GMDS: variants seen among roughly 807,000 people sequenced by gnomAD.
GMDS encodes the protein GDP-mannose 4,6-dehydratase, also known as GDP-mannose 4,6 dehydratase.
In GMDS, 20 loss-of-function variants were observed where a neutral mutation model predicts 49.9. The observed-to-expected ratio is 0.40, with a 90% CI of 0.28 to 0.58. The LOEUF (loss-of-function observed/expected upper bound fraction) is 0.58. Ranked by LOEUF, GMDS falls within the 20% of genes least tolerant of loss-of-function variation. The probability of loss-of-function intolerance (pLI) is 0.42; values close to 1 mark genes in which losing one functional copy is unlikely to be tolerated. For synonymous variants in GMDS, 177 were observed against 178.6 expected (o/e 0.99, Z 0.07); for missense variants, 362 against 481.4 (o/e 0.75, Z 2.32).
intron 9 of GMDS, among the ~76,000 whole-genome samples, chr6:1,725,910 G>C (rs996273243): frequency 6.6e-6 from 1 of 152,190 alleles, no homozygotes; most frequent in Non-Finnish European, 1.5e-5. Context: ...CTGATGTATC[G>C]GCCAGAAAAG....
At chr6:2,131,076 T>C (rs1480696082) in intron 1 of GMDS, among the ~76,000 whole-genome samples, 1 of 152,190 alleles carries the variant, frequency 6.6e-6, no homozygotes, top group Non-Finnish European at 1.5e-5. Flanking sequence ...AAAACTGATA[T>C]TTTGAAGCAG....
intron 4 of GMDS, among the ~76,000 whole-genome samples, chr6:2,076,762 A>G (rs1016714092): frequency 1.3e-5 from 2 of 152,230 alleles, no homozygotes; most frequent in African/African-American, 4.8e-5. Context: ...AAATTAATTC[A>G]AGATGGATTA....
At chr6:2,109,530 C>A (rs966199491) in intron 4 of GMDS, among the ~76,000 whole-genome samples, 2 of 152,200 alleles carry the variant, frequency 1.3e-5, no homozygotes, top group African/African-American at 4.8e-5. Context: ...GCTAAGTGCC[C>A]TCTTAGGGTC....
At chr6:2,104,425 C>T (rs776524695) in intron 4 of GMDS, among the ~76,000 whole-genome samples, 7 of 152,202 alleles carry the variant, frequency 4.6e-5, no homozygotes, top group Non-Finnish European at 7.4e-5. Context: ...TACTGTCACT[C>T]ATCTTTCACT....
intron 7 of GMDS, among the ~76,000 whole-genome samples, chr6:1,855,231 T>C (rs1011735752): frequency 1.3e-5 from 2 of 152,240 alleles, no homozygotes; most frequent in South Asian, 2.1e-4. Context: ...TGGGGATCCA[T>C]AGACCTAAGA....
intron 4 of GMDS, among the ~76,000 whole-genome samples, chr6:2,094,423 C>T (rs1773480799): frequency 6.6e-6 from 1 of 152,180 alleles, no homozygotes; most frequent in Non-Finnish European, 1.5e-5. Context: ...CTGAGGAAAA[C>T]ACAGGCATTT....
intron 8 of GMDS, among the ~76,000 whole-genome samples, chr6:1,737,446 A>G (rs2113471905): frequency 6.6e-6 from 1 of 152,252 alleles, no homozygotes; most frequent in Middle Eastern, 3.4e-3. Flanking sequence ...AAGGAAAAAC[A>G]AAACACAGCA....
chr6:1,668,659 ACCGCACTACTGC>A (rs1382888045), intron 9 of GMDS, among the ~76,000 whole-genome samples: 3 of 152,138 alleles, frequency 2.0e-5, no homozygotes, highest in Non-Finnish European at 4.4e-5. Context: ...GTAAGCTGAG[ACCGCACTACTGC>A]ACTCCAGACT....
chr6:1,955,763 T>G (rs1763602379), intron 6 of GMDS, among the ~76,000 whole-genome samples: 1 of 147,840 alleles, frequency 6.8e-6, no homozygotes, highest in Non-Finnish European at 1.5e-5. Context: ...ATAAATGAAG[T>G]CTTCAAAAAA....
intron 4 of GMDS, among the ~76,000 whole-genome samples, chr6:1,997,918 T>C (rs1244632260): frequency 6.6e-6 from 1 of 152,130 alleles, no homozygotes; most frequent in Non-Finnish European, 1.5e-5. Context: ...GGAAACGGCC[T>C]TTCCTCTGTA....
intron 7 of GMDS, among the ~76,000 whole-genome samples, chr6:1,760,105 G>T (rs1281735937): frequency 5.9e-5 from 9 of 152,160 alleles, no homozygotes; most frequent in African/African-American, 1.9e-4. Flanking sequence ...CAGCAGAGTG[G>T]GAAAGGGAGC....
intron 9 of GMDS, among the ~76,000 whole-genome samples, chr6:1,654,962 G>A (rs1208583327): frequency 6.6e-6 from 1 of 151,282 alleles, no homozygotes; most frequent in Non-Finnish European, 1.5e-5. Flanking sequence ...TCGGGAGACT[G>A]AGGCAGGAGA....
At chr6:2,087,452 T>C (rs1476085709) in intron 4 of GMDS, among the ~76,000 whole-genome samples, 1 of 152,214 alleles carries the variant, frequency 6.6e-6, no homozygotes, top group African/African-American at 2.4e-5. Flanking sequence ...GTAACATCAA[T>C]AATCTTTGAG....
At chr6:2,242,666 T>C (rs2127603208) in intron 1 of GMDS, among the ~76,000 whole-genome samples, 1 of 152,320 alleles carries the variant, frequency 6.6e-6, no homozygotes, top group Non-Finnish European at 1.5e-5. Flanking sequence ...ACAGTCTGTA[T>C]AACAAAATGA....
intron 7 of GMDS, among the ~76,000 whole-genome samples, chr6:1,853,239 C>A (rs1004839493): frequency 8.6e-5 from 13 of 151,914 alleles, no homozygotes; most frequent in African/African-American, 3.1e-4. Flanking sequence ...ATAAGGAGGG[C>A]CGGGCGCGGT....
chr6:1,672,642 C>T (rs943175542), intron 9 of GMDS, among the ~76,000 whole-genome samples: 14 of 152,312 alleles, frequency 9.2e-5, no homozygotes, highest in Admixed American at 2.6e-4. Context: ...AGGGTTCACC[C>T]GGGAGTACAG....
intron 7 of GMDS, among the ~76,000 whole-genome samples, chr6:1,874,582 G>T (rs1477281786): frequency 1.3e-5 from 2 of 152,148 alleles, no homozygotes; most frequent in Non-Finnish European, 2.9e-5. Flanking sequence ...TCGTTATCCT[G>T]AGTATGCTCT....
At chr6:1,954,277 A>T (rs1001433894) in intron 6 of GMDS, among the ~76,000 whole-genome samples, 2 of 152,248 alleles carry the variant, frequency 1.3e-5, no homozygotes, top group Non-Finnish European at 2.9e-5. Context: ...GAAAACCGTT[A>T]ATGACCATCT....
chr6:2,052,363 A>T (rs1770469926), intron 4 of GMDS, among the ~76,000 whole-genome samples: 1 of 152,096 alleles, frequency 6.6e-6, no homozygotes, highest in Non-Finnish European at 1.5e-5. Context: ...ATTTTCTGAT[A>T]TTTAAGACTT....
Sources: gnomAD v4.1 joint callset for allele counts (sites outside exome capture counted in the v4.1 genomes callset) on GRCh38, gnomAD v4.1.1 for gene constraint, MANE v1.5 for transcripts, NCBI Gene and HGNC (gene_info 2026-07-23, HGNC 2026-07-21) for gene names.